Variants in NUBPL observed in about 807,000 individuals in gnomAD.
The protein encoded by NUBPL is iron-sulfur cluster transfer protein NUBPL.
In NUBPL, 31 loss-of-function variants were observed where a neutral mutation model predicts 45.7. The ratio of observed to expected loss-of-function variants is 0.68; its 90% CI spans 0.51 to 0.92. The LOEUF (loss-of-function observed/expected upper bound fraction) is 0.92. Ranked by LOEUF, NUBPL falls within the 40% of genes least tolerant of loss-of-function variation. The probability of loss-of-function intolerance (pLI) is 0.00; values close to 1 mark genes in which losing one functional copy is unlikely to be tolerated. For synonymous variants in NUBPL, 144 were observed against 140.9 expected, an observed-to-expected ratio of 1.02 and a Z score of -0.15; for missense variants, 401 against 398.7, an observed-to-expected ratio of 1.01 and a Z score of -0.05.
At chr14:31,846,906 A>G (rs1467005237) in intron 9 of NUBPL, among the ~76,000 whole-genome samples, 2 of 151,916 alleles carry the variant, frequency 1.3e-5, no homozygotes, top group Non-Finnish European at 2.9e-5. Context: ...CAGTGAGCTG[A>G]GATAGCACCA....
At chr14:31,732,609 CTTTTTTT>C (rs71986817) in intron 6 of NUBPL, among the ~76,000 whole-genome samples, 2 of 81,036 alleles carry the variant, frequency 2.5e-5, no homozygotes, top group Admixed American at 3.0e-4. Flanking sequence ...AATTTGTTCT[CTTTTTTT>C]TTTTTTTTTT....
intron 4 of NUBPL, among the ~76,000 whole-genome samples, chr14:31,651,453 G>A (rs778579792): frequency 4.6e-5 from 7 of 151,948 alleles, no homozygotes; most frequent in Non-Finnish European, 1.5e-5. Flanking sequence ...TTTAAGGATG[G>A]GTTATCTCAG....
intron 9 of NUBPL, among the ~76,000 whole-genome samples, chr14:31,849,613 A>C (rs1286158344): frequency 6.6e-6 from 1 of 152,206 alleles, no homozygotes; most frequent in Non-Finnish European, 1.5e-5. Flanking sequence ...CTGTCTGATA[A>C]AGAGACAGAT....
At chr14:31,813,867 A>T (rs2039864682) in intron 7 of NUBPL, among the ~76,000 whole-genome samples, 1 of 152,172 alleles carries the variant, frequency 6.6e-6, no homozygotes, top group Admixed American at 6.5e-5. Flanking sequence ...ACATGAACTC[A>T]TCCTTTTTTA....
chr14:31,640,111 G>C (rs1338892828), intron 4 of NUBPL, among the ~76,000 whole-genome samples: 1 of 152,142 alleles, frequency 6.6e-6, no homozygotes, highest in Non-Finnish European at 1.5e-5. Context: ...CCCACTGTCA[G>C]GCACTCCCTA....
intron 6 of NUBPL, among the ~76,000 whole-genome samples, chr14:31,731,171 T>A (rs952532164): frequency 4.6e-5 from 7 of 152,216 alleles, no homozygotes; most frequent in African/African-American, 1.7e-4. Context: ...ATTTAAAACT[T>A]AATCATTAGG....
chr14:31,838,296 AAAAG>A (rs774966939), intron 8 of NUBPL, among the ~76,000 whole-genome samples: 1,707 of 76,490 alleles, frequency 0.022, 27 homozygotes, highest in South Asian at 0.064. Flanking sequence ...AAAAAAAAAA[AAAAG>A]AGAGAGACAT....
intron 4 of NUBPL, among the ~76,000 whole-genome samples, chr14:31,602,392 T>A (rs2890020): frequency 2.0e-5 from 3 of 146,512 alleles, no homozygotes; most frequent in African/African-American, 2.5e-5. Context: ...AGTATAATAA[T>A]AGAAAAAAAA....
intron 4 of NUBPL, among the ~76,000 whole-genome samples, chr14:31,630,249 T>C (rs115418163): frequency 0.012 from 1,840 of 152,322 alleles, 27 homozygotes; most frequent in African/African-American, 0.034. Context: ...TTGTAACCTG[T>C]ACTATTACCT....
At chr14:31,687,258 A>G (rs1194460065) in intron 6 of NUBPL, among the ~76,000 whole-genome samples, 1 of 152,244 alleles carries the variant, frequency 6.6e-6, no homozygotes, top group Admixed American at 6.5e-5. Context: ...ATTTGGAACA[A>G]CTTGAAAAAA....
intron 6 of NUBPL, among the ~76,000 whole-genome samples, chr14:31,690,447 CG>C (rs2037067370): frequency 6.6e-6 from 1 of 152,102 alleles, no homozygotes; most frequent in South Asian, 2.1e-4. Flanking sequence ...CATATGAGTT[CG>C]ACATGAAAGG....
At chr14:31,854,135 G>A (rs1595713292) in intron 10 of NUBPL, among the ~76,000 whole-genome samples, 2 of 152,116 alleles carry the variant, frequency 1.3e-5, no homozygotes, top group South Asian at 2.1e-4. Context: ...TGATAAATTG[G>A]GACTTCAAAT....
intron 6 of NUBPL, among the ~76,000 whole-genome samples, chr14:31,771,374 A>G (rs1595607581): frequency 6.6e-6 from 1 of 152,346 alleles, no homozygotes; most frequent in Middle Eastern, 3.4e-3. Context: ...TTCTATTTCT[A>G]ACTTACATTG....
intron 6 of NUBPL, among the ~76,000 whole-genome samples, chr14:31,767,012 C>A (rs1368385817): frequency 4.0e-5 from 6 of 151,864 alleles, no homozygotes; most frequent in African/African-American, 1.2e-4. Context: ...AGATTTTAAT[C>A]TACTGAAAAA....
chr14:31,687,753 A>C (rs2036987890), intron 6 of NUBPL, among the ~76,000 whole-genome samples: 1 of 152,246 alleles, frequency 6.6e-6, no homozygotes, highest in Admixed American at 6.5e-5. Flanking sequence ...GAATAACACC[A>C]TGGGACCATG....
chr14:31,601,737 C>T (rs1414859934), intron 4 of NUBPL, among the ~76,000 whole-genome samples: 2 of 152,128 alleles, frequency 1.3e-5, no homozygotes, highest in African/African-American at 4.8e-5. Context: ...AGTCAGGAAA[C>T]AACAGGTGCT....
At chr14:31,564,173 T>A (rs2033373203) in intron 2 of NUBPL, among the ~76,000 whole-genome samples, 1 of 152,190 alleles carries the variant, frequency 6.6e-6, no homozygotes. Flanking sequence ...GTGTTACTCT[T>A]CTCGGATGTA....
intron 6 of NUBPL, among the ~76,000 whole-genome samples, chr14:31,732,062 G>A (rs2038060770): frequency 6.6e-6 from 1 of 151,706 alleles, no homozygotes; most frequent in South Asian, 2.1e-4. Context: ...AGCCGGGCAT[G>A]GTGTGCCTGT....
intron 4 of NUBPL, chr14:31,654,105 C>T: frequency 2.2e-6 from 1 of 454,566 alleles, no homozygotes. Context: ...TTGTTCCAGA[C>T]CACCACAATA....
Sources: gnomAD v4.1 joint callset for allele counts (sites outside exome capture counted in the v4.1 genomes callset) on GRCh38, gnomAD v4.1.1 for gene constraint, MANE v1.5 for transcripts, NCBI Gene and HGNC (gene_info 2026-07-23, HGNC 2026-07-21) for gene names.